GTF3C2: variants seen among roughly 807,000 people sequenced by gnomAD.
The protein encoded by GTF3C2 is general transcription factor 3C polypeptide 2.
In GTF3C2, 17 loss-of-function variants were observed where a neutral mutation model predicts 117.4. The observed-to-expected ratio is 0.14, with a 90% CI of 0.10 to 0.22. The LOEUF is 0.22. Ranked by LOEUF, GTF3C2 falls within the 10% of genes least tolerant of loss-of-function variation. GTF3C2 has a pLI of 1.00. For missense variants in GTF3C2, 888 were observed against 1,143.6 expected (o/e 0.78, Z 3.22); for synonymous variants, 437 against 427.0 (o/e 1.02, Z -0.29).
intron 18 of GTF3C2, 75 bp downstream of exon 18, chr2:27,327,102 A>G (rs1680102055): frequency 1.2e-6 from 1 of 813,336 alleles, no homozygotes; most frequent in Non-Finnish European, 2.0e-6. Flanking sequence ...TAACCTTTTC[A>G]TCTACCATTT....
chr2:27,341,956 T>A (rs935081713), exon 4 of GTF3C2: 1 of 1,613,528 alleles, frequency 6.2e-7, no homozygotes, highest in Non-Finnish European at 8.5e-7. Context: ...ACCCCTGAAG[T>A]AGATCCTCGT....
At chr2:27,338,006 G>A (rs774456773) in exon 5 of GTF3C2, 2 of 1,608,806 alleles carry the variant, frequency 1.2e-6, no homozygotes, top group South Asian at 1.1e-5. Context: ...TTCCTCGGCA[G>A]TGTGGTTTCT....
At chr2:27,338,363 C>T (rs545462085) in intron 4 of GTF3C2, 12 of 283,802 alleles carry the variant, frequency 4.2e-5, no homozygotes, top group Middle Eastern at 1.3e-3. Context: ...TATTCCTTCA[C>T]AGGTTCTCCC....
chr2:27,344,472 A>G (rs1345736403), intron 1 of GTF3C2, among the ~76,000 whole-genome samples: 1 of 152,138 alleles, frequency 6.6e-6, no homozygotes, highest in Admixed American at 6.5e-5. Context: ...CTGAAACCCA[A>G]TGAAATAAAA....
chr2:27,343,152 G>T lies in GTF3C2; in HGVS notation c.248-5C>A. On this transcript the variant is annotated splice_region_variant and splice_polypyrimidine_tract_variant and intron_variant, in intron 2 of 18. Coordinates refer to ENST00000264720, the Ensembl canonical transcript of GTF3C2. ...TTGACATCTCTGAAGAAAGATCTGT[G>T]GAGAAGAATATGGGTCTGTGAGATG... The T allele has an allele frequency of 6.4e-7, 1 of 1,561,018 alleles. No individual in the cohort carries two copies. The highest frequency in any genetic ancestry group is 8.7e-7 in the Non-Finnish European group (1 of 1,154,676).
At chr2:27,348,812 G>C (rs1337436508) in intron 1 of GTF3C2, among the ~76,000 whole-genome samples, 1 of 152,054 alleles carries the variant, frequency 6.6e-6, no homozygotes, top group Non-Finnish European at 1.5e-5. Context: ...AAATAATAAA[G>C]ATTTGGTTTG....
At chr2:27,328,082 A>G in exon 17 of GTF3C2, 1 of 1,612,012 alleles carries the variant, frequency 6.2e-7, no homozygotes, top group Non-Finnish European at 8.5e-7. Context: ...TGACAGTTTC[A>G]GTGTAAGTTC....
At chr2:27,335,621 G>T in exon 10 of GTF3C2, 1 of 1,552,272 alleles carries the variant, frequency 6.4e-7, no homozygotes, top group Non-Finnish European at 8.7e-7. Flanking sequence ...AGCCAGCAGG[G>T]CCTCCGGATG....
At chr2:27,335,568 C>A in intron 10 of GTF3C2, 30 bp downstream of exon 10, 1 of 1,241,282 alleles carries the variant, frequency 8.1e-7, no homozygotes, top group Admixed American at 2.0e-5. Flanking sequence ...ACCACTACAG[C>A]AGCCCCATTC....
intron 1 of GTF3C2, chr2:27,356,515 C>T: frequency 8.7e-6 from 2 of 229,614 alleles, no homozygotes; most frequent in East Asian, 8.8e-5. Context: ...GGGAGGAGGG[C>T]AAGACCCGAG....
intron 4 of GTF3C2, among the ~76,000 whole-genome samples, chr2:27,338,989 A>T (rs1246599410): frequency 6.6e-6 from 1 of 152,166 alleles, no homozygotes; most frequent in East Asian, 1.9e-4. Context: ...TTTATGCCTG[A>T]TTATCAAGTT....
At chr2:27,353,951 T>C (rs1430610113) in intron 1 of GTF3C2, among the ~76,000 whole-genome samples, 1 of 151,380 alleles carries the variant, frequency 6.6e-6, no homozygotes, top group Admixed American at 6.6e-5. Flanking sequence ...CTCAAATTCC[T>C]GGGCTCAAGT....
chr2:27,342,911 G>A (rs368126288), exon 3 of GTF3C2: 5 of 1,614,006 alleles, frequency 3.1e-6, no homozygotes, highest in African/African-American at 1.3e-5. Context: ...GATTCTGGCC[G>A]ATCTAGGTCT....
chr2:27,342,431 T>C (rs745879854), intron 3 of GTF3C2, 198 bp from the exon 4 acceptor site: 8 of 581,238 alleles, frequency 1.4e-5, no homozygotes, highest in Non-Finnish European at 2.4e-5. Flanking sequence ...ATGACTGAGA[T>C]AACAAATGTG....
chr2:27,345,332 C>A lies in GTF3C2; in HGVS notation c.-24-1754G>T, dbSNP rs181202231. 2.6e-5 allele frequency among the ~76,000 whole-genome samples: 4 copies of A among 152,150 alleles called. No individual in the cohort carries two copies. The East Asian group carries it at 5.8e-4, about 22-fold the overall frequency. ...AGTTGGCCAGGCACGGTGGCTCACA[C>A]CTGTAATCCCAGCACTTTGAAAGGC... On this transcript the variant is annotated intron_variant, in intron 1 of 18. Coordinates refer to ENST00000264720, the Ensembl canonical transcript of GTF3C2.
chr2:27,342,673 G>A, intron 3 of GTF3C2, 153 bp downstream of exon 3: 2 of 626,040 alleles, frequency 3.2e-6, no homozygotes, highest in South Asian at 2.0e-5. Flanking sequence ...TAATAGTGCT[G>A]CGGTAAGAGC....
intron 1 of GTF3C2, among the ~76,000 whole-genome samples, chr2:27,355,092 G>C (rs1323194874): frequency 6.6e-6 from 1 of 152,086 alleles, no homozygotes; most frequent in Non-Finnish European, 1.5e-5. Context: ...TACCGTTACT[G>C]ATCTTTTTAA....
At chr2:27,328,758 C>A (rs1680179625) in intron 15 of GTF3C2, 86 bp downstream of exon 15, 1 of 1,126,540 alleles carries the variant, frequency 8.9e-7, no homozygotes, top group Non-Finnish European at 1.3e-6. Flanking sequence ...CTCCTTCTAC[C>A]CAAAACTACT....
rs753347705 is a variant in GTF3C2, at chr2:27,329,464, C to G, written c.1792G>C (p.Asp598His). The stretch of plus-strand genomic sequence containing the variant: ...AAGGGGTAGAGCTTTAAGGAGCCAT[C>G]AGAGAGCCGTATCCGCTGCAGGGGT... Residue 598 changes from aspartate to histidine, a missense_variant, in exon 13 of 19, where the codon GAT becomes CAT. Physicochemically the swap from Asp to His is moderately conservative, Grantham distance 81. This residue lies in a region of GTF3C2 where 277 missense variants were observed against 445.4 expected (regional missense o/e 0.62). Transcript: ENST00000264720. The surrounding 1 kb of genome is among the most constrained non-coding windows in gnomAD (Gnocchi z 4.5). 1 of 1,614,074 alleles carries G rather than the reference C, an allele frequency of 6.2e-7. No individual in the cohort carries two copies. The highest frequency in any genetic ancestry group is 8.5e-7 in the Non-Finnish European group (1 of 1,179,954).
Sources: gnomAD v4.1 joint callset for allele counts (sites outside exome capture counted in the v4.1 genomes callset) on GRCh38, gnomAD v4.1.1 for gene constraint, gnomAD v4.1.1 regional missense constraint, Gnocchi (gnomAD v3.1) non-coding constraint, MANE v1.5 for transcripts, NCBI Gene and HGNC (gene_info 2026-07-23, HGNC 2026-07-21) for gene names.